PDIA5: variants seen among roughly 807,000 people sequenced by gnomAD.
The protein encoded by PDIA5 is protein disulfide-isomerase A5.
A neutral mutation model predicts 77.6 loss-of-function variants in PDIA5; 58 were observed. That is an observed-to-expected ratio of 0.75 (90% CI 0.61 to 0.93). PDIA5 has a LOEUF of 0.93. Among genes scored for constraint, PDIA5 ranks in the 40% least tolerant of loss-of-function variants. PDIA5 has a pLI of 0.00. For missense variants in PDIA5, 630 were observed against 647.7 expected (o/e 0.97, Z 0.30); for synonymous variants, 250 against 252.1 (o/e 0.99, Z 0.08).
At chr3:123,097,970 G>A (rs1312119087) in intron 3 of PDIA5, among the ~76,000 whole-genome samples, 1 of 152,142 alleles carries the variant, frequency 6.6e-6, no homozygotes, top group African/African-American at 2.4e-5. Context: ...GGCTGAGCGT[G>A]GTCTCCCGTG....
rs933023636 is a variant in PDIA5 at position 123,161,861 on chromosome 3, C to G, written c.1480-19C>G. ...GGATTAAAGCTCTTTCTCTCTCTCT[C>G]TCTCCCACTTCCCTGCAGGAATTGG... On this transcript the variant is annotated intron_variant, in intron 16 of 16. Coordinates refer to ENST00000316218, the MANE Select transcript of PDIA5 (RefSeq NM_006810.4). The G allele has an allele frequency of 1.3e-6, 2 of 1,497,582 alleles. No individual in the cohort carries two copies. The highest frequency in any genetic ancestry group is 2.3e-5 in the East Asian group (1 of 44,288). The allele number at this position is 1,497,582 out of a possible 1,614,324, so 92.8% of individuals were successfully genotyped here.
intron 1 of PDIA5, among the ~76,000 whole-genome samples, chr3:123,082,462 G>A (rs1263958043): frequency 1.3e-5 from 2 of 152,270 alleles, no homozygotes; most frequent in Admixed American, 1.3e-4. Context: ...AAACGAGTTA[G>A]TGGGTATGAA....
intron 14 of PDIA5, among the ~76,000 whole-genome samples, chr3:123,153,432 C>T (rs1935957008): frequency 1.3e-5 from 2 of 152,192 alleles, no homozygotes; most frequent in African/African-American, 2.4e-5. Context: ...TATAGTGTGA[C>T]ATTTTCATGA....
chr3:123,100,293 G>A (rs746901858), intron 3 of PDIA5, among the ~76,000 whole-genome samples: 4 of 152,214 alleles, frequency 2.6e-5, no homozygotes, highest in East Asian at 3.8e-4. Flanking sequence ...GAGTCCCTGC[G>A]GGACGGGGCA....
intron 3 of PDIA5, among the ~76,000 whole-genome samples, chr3:123,098,033 G>T (rs1358711032): frequency 6.6e-6 from 1 of 152,194 alleles, no homozygotes; most frequent in Admixed American, 6.5e-5. Flanking sequence ...GAGGCGAGGA[G>T]AGAAATGACA....
At chr3:123,092,254 C>G in intron 2 of PDIA5, 101 bp from the exon 3 acceptor site, 1 of 899,244 alleles carries the variant, frequency 1.1e-6, no homozygotes, top group Middle Eastern at 2.2e-4. Flanking sequence ...TCCACCCCCT[C>G]TAGGATTGGT....
intron 11 of PDIA5, among the ~76,000 whole-genome samples, chr3:123,136,745 A>G (rs868061523): frequency 7.2e-5 from 11 of 151,726 alleles, no homozygotes; most frequent in South Asian, 2.1e-4. Flanking sequence ...AAAAAAAAAA[A>G]AAAAGGGGGT....
At chr3:123,123,932 C>T (rs1323477699) in intron 8 of PDIA5, 134 bp from the exon 9 acceptor site, 8 of 655,296 alleles carry the variant, frequency 1.2e-5, no homozygotes, top group Non-Finnish European at 2.2e-5. Flanking sequence ...TCTCAGCAGC[C>T]CTGATGCACA....
intron 1 of PDIA5, among the ~76,000 whole-genome samples, chr3:123,082,732 A>G (rs988265415): frequency 5.7e-4 from 86 of 152,132 alleles, no homozygotes; most frequent in Admixed American, 2.5e-3. Flanking sequence ...CTGCATGCCA[A>G]ACATTATGTT....
chr3:123,097,003 C>T (rs1934461064), intron 3 of PDIA5, among the ~76,000 whole-genome samples: 1 of 152,196 alleles, frequency 6.6e-6, no homozygotes, highest in Non-Finnish European at 1.5e-5. Context: ...TTCCTCGGGG[C>T]TTAAGGTCAT....
rs71623603 is a variant in PDIA5, at chr3:123,101,906, C to CTTTTTTTTTTTTTTTTTTTTTT, written c.258-484_258-483insTTTTTTTTTTTTTTTTTTTTTT. Among the ~76,000 whole-genome samples the CTTTTTTTTTTTTTTTTTTTTTT allele has an allele frequency of 8.4e-5, 6 of 71,398 alleles. 1 individual carries two copies. The highest frequency in any genetic ancestry group is 5.2e-4 in the Admixed American group (2 of 3,834). 46.8% of individuals were successfully genotyped at this position (71,398 alleles called of 152,430 possible). On this transcript the variant is annotated intron_variant, in intron 3 of 16. Coordinates refer to ENST00000316218, the MANE Select transcript of PDIA5 (RefSeq NM_006810.4). ...TCCCCTTCCTTTCCTTTCTTTCTTGCTTTTTTTTTTTTTTTTTTTTTGAGA... is the reference window on the plus strand; with the variant it reads ...TCCCCTTCCTTTCCTTTCTTTCTTGCTTTTTTTTTTTTTTTTTTTTTTTTTTTTTTTTTTTTTTTTTTTGAGA...
chr3:123,161,880 G>A lies in PDIA5; in HGVS notation c.1480G>A (p.Glu494Lys), dbSNP rs1335352751. The A allele has an allele frequency of 6.4e-7, 1 of 1,572,876 alleles. No homozygotes were observed. Among genetic ancestry groups the A allele is most frequent in the Admixed American group, 1.7e-5 (1 of 59,768 alleles). Residue 494 changes from glutamate to lysine, a missense_variant and splice_region_variant, in exon 17 of 17, where the codon GAA becomes AAA. Glu to Lys is a moderately conservative substitution (Grantham distance 56). Coordinates refer to ENST00000316218, the MANE Select transcript of PDIA5 (RefSeq NM_006810.4). ...CTCTCTCTCTCCCACTTCCCTGCAG[G>A]AATTGGGATTTACCAATTATATTCG... ...FAEKYDSDRT[E>K]LGFTNYIRAL...
intron 14 of PDIA5, among the ~76,000 whole-genome samples, chr3:123,150,728 G>A (rs532262357): frequency 1.4e-5 from 2 of 146,326 alleles, no homozygotes; most frequent in Admixed American, 1.4e-4. Flanking sequence ...TCCAGACACT[G>A]ACTTATCTTC....
intron 8 of PDIA5, among the ~76,000 whole-genome samples, chr3:123,118,856 A>T (rs1256241054): frequency 2.0e-5 from 3 of 152,200 alleles, no homozygotes; most frequent in African/African-American, 7.2e-5. Context: ...CCTCTCTTTT[A>T]AAGGAATTCA....
At chr3:123,087,362 CT>C (rs1934166975) in intron 1 of PDIA5, among the ~76,000 whole-genome samples, 1 of 148,684 alleles carries the variant, frequency 6.7e-6, no homozygotes, top group African/African-American at 2.5e-5. Context: ...TTTTCTTTTT[CT>C]TTTTCTGGAG....
At chr3:123,085,419 C>T (rs533951663) in intron 1 of PDIA5, among the ~76,000 whole-genome samples, 6 of 152,264 alleles carry the variant, frequency 3.9e-5, no homozygotes, top group South Asian at 2.1e-4. Flanking sequence ...TTGCTCAGCG[C>T]GTTTCTGGTT....
chr3:123,078,252 G>A (rs1933907577), intron 1 of PDIA5, among the ~76,000 whole-genome samples: 2 of 152,146 alleles, frequency 1.3e-5, no homozygotes, highest in Admixed American at 6.5e-5. Flanking sequence ...GAACGGAGGC[G>A]AGACAGTTCA....
In PDIA5 at chr3:123,092,346, T is replaced by C; in HGVS notation, c.170-9T>C. 6.2e-7 allele frequency: 1 copy of C among 1,612,812 alleles called. No homozygotes were observed. Among genetic ancestry groups the C allele is most frequent in the East Asian group, 2.2e-5 (1 of 44,870 alleles). On this transcript the variant is annotated splice_polypyrimidine_tract_variant and intron_variant, in intron 2 of 16. Coordinates refer to ENST00000316218, the MANE Select transcript of PDIA5 (RefSeq NM_006810.4). ...CACAGATGTTTAATTTTTTGTTTTT[T>C]TTTTACAGAGGTGGCAGCTGAAAAT... is the stretch of plus-strand genomic sequence containing the variant.
chr3:123,072,951 G>A (rs1212169893), intron 1 of PDIA5, among the ~76,000 whole-genome samples: 1 of 103,188 alleles, frequency 9.7e-6, no homozygotes, highest in Non-Finnish European at 2.1e-5. Context: ...TGTATGTGGT[G>A]TTGTTGTTTT....
Sources: allele counts gnomAD v4.1 joint callset (sites outside exome capture counted in the v4.1 genomes callset), GRCh38; gene constraint gnomAD v4.1.1; transcripts MANE v1.5; gene names NCBI Gene and HGNC (gene_info 2026-07-23, HGNC 2026-07-21).